The following NUP210 variants were observed in gnomAD, a reference collection of about 807,000 sequenced individuals.
NUP210 encodes nucleoporin 210.
Under a neutral mutation model 196.0 loss-of-function variants are expected in NUP210, and 151 were observed. The ratio of observed to expected loss-of-function variants is 0.77; its 90% confidence interval spans 0.67 to 0.88. NUP210 has a LOEUF of 0.88. Among genes scored for constraint, NUP210 ranks in the 40% least tolerant of loss-of-function variants. The pLI, the probability that NUP210 is intolerant of heterozygous loss-of-function variation, is 0.00. For synonymous variants in NUP210, 1,070 were observed against 1,052.7 expected (o/e 1.02, Z -0.32); for missense variants, 2,314 against 2,493.7 (o/e 0.93, Z 1.53).
intron 3 of NUP210, among the ~76,000 whole-genome samples, chr3:13,395,271 A>C (rs781250890): frequency 1.7e-4 from 26 of 152,204 alleles, no homozygotes; most frequent in Non-Finnish European, 3.5e-4. Context: ...AAGGGGGTTT[A>C]ACTAGAACCA....
intron 6 of NUP210, among the ~76,000 whole-genome samples, chr3:13,381,491 C>T (rs1290665941): frequency 6.8e-6 from 1 of 146,544 alleles, no homozygotes; most frequent in Non-Finnish European, 1.5e-5. Flanking sequence ...TTCTTAGGTG[C>T]AATCACAGCT....
chr3:13,396,260 A>G (rs2124942520), intron 3 of NUP210, among the ~76,000 whole-genome samples: 1 of 152,300 alleles, frequency 6.6e-6, no homozygotes, highest in Admixed American at 6.5e-5. Flanking sequence ...ACTCAACCCC[A>G]AATGTCAATC....
Position 13,386,145 on chromosome 3 carries a change from G to T in NUP210, c.817+130C>A, listed in dbSNP as rs867429296. 74 of 951,868 alleles carry T rather than the reference G, an allele frequency of 7.8e-5. No individual in the cohort carries two copies. In the African/African-American group the frequency reaches 9.8e-4, roughly 13 times the overall value. 59.0% of individuals were successfully genotyped at this position (951,868 alleles called of 1,614,324 possible). A position where few individuals can be genotyped will look rare whatever the true frequency, so the allele number is the denominator to read the frequency against. On this transcript the variant is annotated intron_variant, in intron 6 of 39. Coordinates refer to ENST00000254508, the MANE Select transcript of NUP210 (RefSeq NM_024923.4). ...GATGGTGATGGCTGCAGAAGAGTGTGAATGTACTTGATGCTACCTGATGGA... is the reference window on the plus strand; with the variant it reads ...GATGGTGATGGCTGCAGAAGAGTGTTAATGTACTTGATGCTACCTGATGGA...
At chr3:13,336,495 T>A (rs1230360542) in intron 27 of NUP210, among the ~76,000 whole-genome samples, 1 of 152,152 alleles carries the variant, frequency 6.6e-6, no homozygotes, top group Non-Finnish European at 1.5e-5. Flanking sequence ...CTGCCAGGCA[T>A]CATCTCAGAA....
chr3:13,375,626 T>C lies in NUP210; in HGVS notation c.1309A>G (p.Ile437Val), dbSNP rs112846887. ...SVVDQDGGVH[I>V]LQVPVWNQQE... ...TGGTTCCACACAGGCACCTGTAGTA[T>C]GTGGACCCCTCCATCCTACAAGGGG... The change falls in exon 11 of 40, where the codon ATA becomes GTA. Residue 437 changes from isoleucine (I) to valine (V), a missense_variant. Transcript: ENST00000254508. The C allele has an allele frequency of 2.5e-6, 4 of 1,613,932 alleles. No individual in the cohort carries two copies. The African/African-American group carries it at 5.3e-5, about 22-fold the overall frequency.
At chr3:13,418,669 TCC>T (rs1434546282) in intron 1 of NUP210, among the ~76,000 whole-genome samples, 1 of 151,724 alleles carries the variant, frequency 6.6e-6, no homozygotes, top group Admixed American at 6.6e-5. Flanking sequence ...GCGCCTGTAA[TCC>T]CAGCTACTCG....
intron 14 of NUP210, 120 bp downstream of exon 14, chr3:13,365,826 G>A: frequency 9.0e-7 from 1 of 1,107,694 alleles, no homozygotes; most frequent in African/African-American, 1.5e-5. Context: ...AGAGGAAGCT[G>A]TGCCAAAAGC....
At position 13,379,691 on chromosome 3, in the gene NUP210, A is replaced by G. The variant is rs754557587; in HGVS notation, c.848T>C (p.Leu283Ser). ...ELSMPSDQYE[L>S]QLQNSIPGPE... ...GCCCGGGATGCTGTTCTGAAGCTGCAACTCGTACTGATCGGAAGGCATGGA... is the reference window on the plus strand; with the variant it reads ...GCCCGGGATGCTGTTCTGAAGCTGCGACTCGTACTGATCGGAAGGCATGGA... Residue 283 changes from leucine to serine, a missense_variant, in exon 7 of 40, where the codon TTG becomes TCG. Physicochemically the swap from Leu to Ser is moderately radical, Grantham distance 145. Transcript: ENST00000254508. This position sits in a 1 kb window ranked among gnomAD's most constrained non-coding sequence, Gnocchi z 4.2. 1.2e-6 allele frequency: 2 copies of G among 1,610,642 alleles called. No individual in the cohort carries two copies. Among genetic ancestry groups the G allele is most frequent in the South Asian group, 2.2e-5 (2 of 90,788 alleles).
At chr3:13,360,134 G>T (rs920914115) in intron 15 of NUP210, 136 bp downstream of exon 15, 7 of 744,000 alleles carry the variant, frequency 9.4e-6, no homozygotes, top group Non-Finnish European at 1.5e-5. Context: ...GCCTCAGTTT[G>T]CCTGTCTGTA....
chr3:13,375,865 C>A (rs747052677), intron 10 of NUP210, among the ~76,000 whole-genome samples: 6 of 146,912 alleles, frequency 4.1e-5, no homozygotes, highest in Non-Finnish European at 9.0e-5. Context: ...CCTCAGGGCA[C>A]CCCAGCAGGA....
chr3:13,382,772 A>G (rs1454308156), intron 6 of NUP210, among the ~76,000 whole-genome samples: 3 of 152,220 alleles, frequency 2.0e-5, no homozygotes, highest in African/African-American at 7.2e-5. Context: ...TCCCCTATGA[A>G]GACACCATTC....
rs200313065 is a variant in NUP210, at chr3:13,335,565, G to C, written c.3732C>G (p.Leu1244=). The C allele has an allele frequency of 6.2e-7, 1 of 1,614,096 alleles. No individual in the cohort carries two copies. The highest frequency in any genetic ancestry group is 8.5e-7 in the Non-Finnish European group (1 of 1,180,050). The stretch of plus-strand genomic sequence containing the variant: ...GCCCGGTCCGGCCTTTTACCCGGCC[G>C]AGCACGTTCATGGCAAAGTTGTACT... ...PSQYNFAMNV[L]GRVKGRTGLR... The change falls in exon 28 of 40, where the codon CTC becomes CTG. Residue 1244 remains leucine (L), a synonymous_variant. Coordinates refer to ENST00000254508, the MANE Select transcript of NUP210 (RefSeq NM_024923.4).
chr3:13,388,500 C>T (rs1699359729), intron 4 of NUP210, 47 bp from the exon 5 acceptor site: 2 of 1,553,026 alleles, frequency 1.3e-6, no homozygotes, highest in East Asian at 4.6e-5. Flanking sequence ...AACCCCAACA[C>T]AAGATTTGTC....
chr3:13,349,869 G>A (rs1026692477), intron 20 of NUP210, among the ~76,000 whole-genome samples: 31 of 152,172 alleles, frequency 2.0e-4, no homozygotes, highest in South Asian at 2.1e-4. Context: ...AGAGACAAAC[G>A]GAAAAAGAGA....
rs1324024658 is a variant in NUP210 at position 13,336,821 on chromosome 3, C to T, written c.3650G>A (p.Arg1217Gln). The T allele has an allele frequency of 4.3e-6, 7 of 1,613,756 alleles. No homozygotes were observed. Among genetic ancestry groups the T allele is most frequent in the Admixed American group, 1.7e-5 (1 of 60,018 alleles). Residue 1217 changes from arginine (R) to glutamine (Q), a missense_variant, in exon 27 of 40, where the codon CGG (arginine) becomes CAG (glutamine). Transcript: ENST00000254508. The part of the protein sequence containing the change: ...GLTFHWSVTK[R>Q]DVLDLRGRHH... ...CCGCCCTCGGAGGTCCAGGACGTCC[C>T]GCTTGGTGACAGACCAGTGGAAGGT...
chr3:13,399,313 G>A (rs1699762970), intron 2 of NUP210, among the ~76,000 whole-genome samples: 1 of 149,872 alleles, frequency 6.7e-6, no homozygotes, highest in African/African-American at 2.5e-5. Context: ...AATGGAACAT[G>A]TCCTATAATC....
chr3:13,416,816 T>C (rs1470548931), intron 1 of NUP210, among the ~76,000 whole-genome samples: 2 of 152,106 alleles, frequency 1.3e-5, no homozygotes, highest in Admixed American at 6.5e-5. Flanking sequence ...GGTGCCCAAA[T>C]AACCAGGTTC....
rs199935218 is a variant in NUP210, at chr3:13,399,813, G to T, written c.216C>A (p.Asp72Glu). The T allele has an allele frequency of 2.3e-5, 37 of 1,613,252 alleles. No individual in the cohort carries two copies. The Admixed American group carries it at 5.7e-4, about 25-fold the overall frequency. Reference sequence around the variant, plus strand: ...CTGCCTTCTGGGAGCACTGCTGCTCGTCCAGGCCCAGCGGCTCGATGCTGG... The same window carrying T: ...CTGCCTTCTGGGAGCACTGCTGCTCTTCCAGGCCCAGCGGCTCGATGCTGG... ...EVASIEPLGL[D>E]EQQCSQKAVV... Residue 72 changes from aspartate to glutamate, a missense_variant, in exon 2 of 40, where the codon GAC (aspartate) becomes GAA (glutamate). Physicochemically the swap from Asp to Glu is conservative, Grantham distance 45. Coordinates refer to ENST00000254508, the MANE Select transcript of NUP210 (RefSeq NM_024923.4).
chr3:13,391,096 G>A (rs992291872), intron 4 of NUP210, 115 bp downstream of exon 4: 11 of 710,580 alleles, frequency 1.5e-5, no homozygotes, highest in Non-Finnish European at 2.8e-5. Flanking sequence ...CATCCTAGGA[G>A]TCTCCCAGAC....
Sources: gnomAD v4.1 joint callset for allele counts (sites outside exome capture counted in the v4.1 genomes callset) on GRCh38, gnomAD v4.1.1 for gene constraint, Gnocchi (gnomAD v3.1) non-coding constraint, MANE v1.5 for transcripts, NCBI Gene and HGNC (gene_info 2026-07-23, HGNC 2026-07-21) for gene names.